Variants in PDE7B observed in about 807,000 individuals in gnomAD.
PDE7B encodes the protein phosphodiesterase 7B.
PDE7B carries 29 observed loss-of-function variants against 56.2 expected under a neutral mutation model. The ratio of observed to expected loss-of-function variants is 0.52; its 90% CI spans 0.38 to 0.70. PDE7B has a LOEUF of 0.70. Ranked by LOEUF, PDE7B falls within the 30% of genes least tolerant of loss-of-function variation. PDE7B has a pLI of 0.00. For synonymous variants in PDE7B, 197 were observed against 196.9 expected (o/e 1.00, Z 0.00); for missense variants, 490 against 565.0 (o/e 0.87, Z 1.35).
chr6:135,920,103 T>A (rs536491044), intron 1 of PDE7B, among the ~76,000 whole-genome samples: 15 of 152,292 alleles, frequency 9.8e-5, no homozygotes, highest in African/African-American at 3.6e-4. Context: ...AAAGTGATCA[T>A]GAGCCTTCAC....
At chr6:135,980,858 T>C (rs2128204193) in intron 2 of PDE7B, among the ~76,000 whole-genome samples, 1 of 139,930 alleles carries the variant, frequency 7.1e-6, no homozygotes, top group South Asian at 2.6e-4. Flanking sequence ...AGTTCAACCA[T>C]TGTGGAAGTC....
intron 8 of PDE7B, among the ~76,000 whole-genome samples, chr6:136,172,265 G>C (rs1276382548): frequency 6.6e-6 from 1 of 152,168 alleles, no homozygotes; most frequent in Non-Finnish European, 1.5e-5. Context: ...CAGTGTAAAA[G>C]TGTTCCTATT....
At chr6:135,985,141 G>A (rs1299216992) in intron 2 of PDE7B, among the ~76,000 whole-genome samples, 1 of 152,160 alleles carries the variant, frequency 6.6e-6, no homozygotes, top group African/African-American at 2.4e-5. Context: ...TTCTCTCTTT[G>A]TGACTATTCT....
chr6:135,983,579 T>G (rs1272811298), intron 2 of PDE7B, among the ~76,000 whole-genome samples: 1 of 152,174 alleles, frequency 6.6e-6, no homozygotes, highest in East Asian at 1.9e-4. Flanking sequence ...TTTTTAAAAT[T>G]CAATTGAAAT....
intron 12 of PDE7B, among the ~76,000 whole-genome samples, chr6:136,190,974 C>T (rs1370367607): frequency 4.7e-5 from 7 of 148,592 alleles, no homozygotes; most frequent in Non-Finnish European, 1.5e-5. Flanking sequence ...TTGCCCTCTC[C>T]ATCCCTTCTC....
intron 2 of PDE7B, among the ~76,000 whole-genome samples, chr6:136,052,427 A>T (rs1434441854): frequency 3.3e-5 from 5 of 152,186 alleles, no homozygotes; most frequent in Non-Finnish European, 7.4e-5. Flanking sequence ...AGTTGAAGTA[A>T]ATGGGAAGAG....
chr6:135,986,295 A>G (rs1775375268), intron 2 of PDE7B, among the ~76,000 whole-genome samples: 1 of 152,230 alleles, frequency 6.6e-6, no homozygotes, highest in Non-Finnish European at 1.5e-5. Flanking sequence ...CTCTGAGTGG[A>G]TTATGTGAAA....
At chr6:136,014,722 G>A (rs1775946868) in intron 2 of PDE7B, among the ~76,000 whole-genome samples, 1 of 152,132 alleles carries the variant, frequency 6.6e-6, no homozygotes, top group Non-Finnish European at 1.5e-5. Context: ...TTTGAAAGTA[G>A]GTAGAGTAAA....
chr6:135,897,398 T>C (rs1365883554), intron 1 of PDE7B, among the ~76,000 whole-genome samples: 2 of 152,176 alleles, frequency 1.3e-5, no homozygotes, highest in African/African-American at 4.8e-5. Context: ...ATTAGTGTGC[T>C]TGTCTTTCAA....
chr6:136,137,476 T>C (rs1031906702), intron 3 of PDE7B, among the ~76,000 whole-genome samples: 1 of 152,144 alleles, frequency 6.6e-6, no homozygotes, highest in African/African-American at 2.4e-5. Flanking sequence ...CAGTCAGCTC[T>C]GCTCACTTAA....
At chr6:136,061,632 T>C (rs1776842759) in intron 2 of PDE7B, among the ~76,000 whole-genome samples, 3 of 152,230 alleles carry the variant, frequency 2.0e-5, no homozygotes, top group African/African-American at 7.2e-5. Context: ...AGAGGTCATA[T>C]GTGTCCAAAC....
chr6:136,101,906 T>C lies in PDE7B; in HGVS notation c.83-6825T>C, dbSNP rs537178008. 1.3e-4 allele frequency among the ~76,000 whole-genome samples: 20 copies of C among 152,264 alleles called. No individual in the cohort carries two copies. In the South Asian group the frequency reaches 4.2e-3, roughly 32 times the overall value. ...GTTCGGTTTTCCTCAGGACATAGTT[T>C]TGGTGCTCACTTTTATTAACCCTGT... On this transcript the variant is annotated intron_variant, in intron 2 of 12. Coordinates refer to ENST00000308191, the MANE Select transcript of PDE7B (RefSeq NM_018945.4).
At chr6:136,042,660 T>C (rs1562477764) in intron 2 of PDE7B, among the ~76,000 whole-genome samples, 1 of 152,218 alleles carries the variant, frequency 6.6e-6, no homozygotes, top group Non-Finnish European at 1.5e-5. Flanking sequence ...TATCAAATTA[T>C]TTCAGAGAAG....
intron 2 of PDE7B, among the ~76,000 whole-genome samples, chr6:136,082,162 A>G (rs1222182058): frequency 1.3e-5 from 2 of 152,170 alleles, no homozygotes; most frequent in Non-Finnish European, 2.9e-5. Context: ...TGTGGAATTG[A>G]TGTCAATGGG....
intron 3 of PDE7B, among the ~76,000 whole-genome samples, chr6:136,118,825 G>A (rs1777880510): frequency 6.6e-6 from 1 of 151,906 alleles, no homozygotes. Context: ...GGTATTAAAT[G>A]ACTTCAGTAT....
At chr6:135,867,245 A>C (rs75354380) in intron 1 of PDE7B, among the ~76,000 whole-genome samples, 13,991 of 152,166 alleles carry the variant, frequency 0.092, 1,785 homozygotes, top group African/African-American at 0.29. Context: ...CTTTATAAAA[A>C]GATACATATT....
rs1055053264 is a variant in PDE7B, at chr6:135,973,215, A to G, written c.82+25691A>G. ...TGACTAGTTTAGATACCGCATATAA[A>G]TGGAGTCATACAGTATTTGTCTTTC... On this transcript the variant is annotated intron_variant, in intron 2 of 12. Coordinates refer to ENST00000308191, the MANE Select transcript of PDE7B (RefSeq NM_018945.4). Among the ~76,000 whole-genome samples the G allele has an allele frequency of 3.3e-5, 5 of 152,046 alleles. No individual in the cohort carries two copies. In the East Asian group the frequency reaches 5.8e-4, roughly 18 times the overall value.
intron 2 of PDE7B, among the ~76,000 whole-genome samples, chr6:136,060,653 A>G (rs1380682534): frequency 3.3e-5 from 5 of 152,210 alleles, no homozygotes; most frequent in Non-Finnish European, 7.3e-5. Context: ...TCCACTTTAC[A>G]AATGGGAAAT....
At chr6:136,046,284 G>A (rs1442252012) in intron 2 of PDE7B, 2 of 152,158 alleles carry the variant, frequency 1.3e-5, no homozygotes, top group African/African-American at 2.4e-5. Flanking sequence ...TAAAACATTT[G>A]TAACAGAGAT....
Sources: gnomAD v4.1 joint callset for allele counts (sites outside exome capture counted in the v4.1 genomes callset) on GRCh38, gnomAD v4.1.1 for gene constraint, MANE v1.5 for transcripts, NCBI Gene and HGNC (gene_info 2026-07-23, HGNC 2026-07-21) for gene names.